Variants in ARMC2 observed in about 807,000 individuals in gnomAD.
ARMC2 encodes the protein armadillo repeat-containing protein 2.
In ARMC2, 67 loss-of-function variants were observed where a neutral mutation model predicts 90.3. The ratio of observed to expected loss-of-function variants is 0.74; its 90% CI spans 0.61 to 0.91. The LOEUF (loss-of-function observed/expected upper bound fraction) is 0.91, where lower values mean the gene tolerates loss of function less well. Among genes scored for constraint, ARMC2 ranks in the 40% least tolerant of loss-of-function variants. The pLI is 0.00. For missense variants in ARMC2, 920 were observed against 1,030.9 expected, an observed-to-expected ratio of 0.89 and a Z score of 1.47; for synonymous variants, 393 against 393.0, an observed-to-expected ratio of 1.00 and a Z score of 0.00.
chr6:108,992,064 T>A, the ARMC2 span, among the ~76,000 whole-genome samples: 106 of 152,284 alleles, frequency 7.0e-4, no homozygotes, highest in Middle Eastern at 6.8e-3. Flanking sequence ...ATAATTATTC[T>A]ATAACTCTTC....
At chr6:109,018,019 T>G in the ARMC2 span, among the ~76,000 whole-genome samples, 26 of 152,252 alleles carry the variant, frequency 1.7e-4, no homozygotes, top group East Asian at 3.9e-4. Context: ...AGAACAATAA[T>G]AAGAAGAAGA....
chr6:108,942,899 C>T (rs907767019), intron 12 of ARMC2, among the ~76,000 whole-genome samples: 1 of 152,012 alleles, frequency 6.6e-6, no homozygotes, highest in Non-Finnish European at 1.5e-5. Context: ...AAACAGAAAT[C>T]TAAAATGAAC....
chr6:108,921,923 G>A (rs946547198), intron 10 of ARMC2, among the ~76,000 whole-genome samples: 1 of 152,194 alleles, frequency 6.6e-6, no homozygotes, highest in African/African-American at 2.4e-5. Context: ...AAATAGAGTA[G>A]GGAGGCAATA....
intron 11 of ARMC2, among the ~76,000 whole-genome samples, chr6:108,930,186 A>C (rs1775418528): frequency 6.6e-6 from 1 of 151,760 alleles, no homozygotes; most frequent in African/African-American, 2.4e-5. Flanking sequence ...TGAACTTATT[A>C]ATCTTGCATT....
intron 3 of ARMC2, among the ~76,000 whole-genome samples, chr6:108,863,363 A>G (rs970137429): frequency 5.9e-5 from 9 of 152,182 alleles, no homozygotes; most frequent in South Asian, 2.1e-4. Flanking sequence ...GACTACAGGC[A>G]TGAACCACCA....
the ARMC2 span, chr6:108,990,620 T>C: frequency 1.9e-6 from 3 of 1,610,796 alleles, no homozygotes; most frequent in Non-Finnish European, 2.5e-6. Context: ...AAACATCTCT[T>C]TATAAACACA....
intron 11 of ARMC2, among the ~76,000 whole-genome samples, chr6:108,929,964 C>G (rs77315149): frequency 0.017 from 2,550 of 151,906 alleles, 80 homozygotes; most frequent in African/African-American, 0.059. Flanking sequence ...CCACCCCCAA[C>G]CCCTGCCAAA....
chr6:108,854,518 A>G (rs2128414888), intron 2 of ARMC2, 33 bp downstream of exon 2: 2 of 1,585,788 alleles, frequency 1.3e-6, no homozygotes, highest in East Asian at 4.5e-5. Context: ...GTTCATTCAG[A>G]TATTTAAGCA....
chr6:108,944,404 C>T (rs116128182), intron 12 of ARMC2, among the ~76,000 whole-genome samples: 55 of 152,242 alleles, frequency 3.6e-4, no homozygotes, highest in African/African-American at 1.3e-3. Context: ...GTCCTGGGAC[C>T]AAATCTAGTT....
At chr6:109,001,455 G>C in the ARMC2 span, 1 of 1,613,584 alleles carries the variant, frequency 6.2e-7, no homozygotes, top group African/African-American at 1.3e-5. Context: ...AATAAAGCAT[G>C]CATCTGTGCG....
chr6:108,998,412 T>TCTTA, the ARMC2 span: 1 of 1,425,012 alleles, frequency 7.0e-7, no homozygotes, highest in Non-Finnish European at 9.6e-7. Flanking sequence ...ATCTCCACAG[T>TCTTA]CTTAACAGGG....
chr6:108,991,703 ACTT>A, the ARMC2 span, among the ~76,000 whole-genome samples: 1 of 152,096 alleles, frequency 6.6e-6, no homozygotes, highest in South Asian at 2.1e-4. Context: ...ATAAGCCCCT[ACTT>A]CTTTGTTGCT....
At chr6:108,992,637 G>A in the ARMC2 span, 1 of 649,090 alleles carries the variant, frequency 1.5e-6, no homozygotes, top group Admixed American at 2.8e-5. Context: ...GGATGAATTA[G>A]AAACAGTCTT....
intron 11 of ARMC2, among the ~76,000 whole-genome samples, chr6:108,935,438 TTTTTTTG>T (rs1418641360): frequency 2.0e-5 from 3 of 152,052 alleles, no homozygotes; most frequent in Non-Finnish European, 4.4e-5. Flanking sequence ...TATTTATAAG[TTTTTTTG>T]TTTTTTGTTT....
chr6:108,878,126 A>G (rs562925104), intron 5 of ARMC2, among the ~76,000 whole-genome samples: 1 of 152,246 alleles, frequency 6.6e-6, no homozygotes, highest in Non-Finnish European at 1.5e-5. Flanking sequence ...CAAAAAACAG[A>G]AACTCTTAGC....
chr6:108,868,180 G>A (rs1473271246), intron 3 of ARMC2, among the ~76,000 whole-genome samples: 1 of 139,680 alleles, frequency 7.2e-6, no homozygotes, highest in Non-Finnish European at 1.5e-5. Flanking sequence ...TTTAAAGCAT[G>A]TTGAATATGC....
chr6:109,051,507 C>T, the ARMC2 span, among the ~76,000 whole-genome samples: 1 of 152,026 alleles, frequency 6.6e-6, no homozygotes, highest in South Asian at 2.1e-4. Context: ...CTCTTATTAC[C>T]TTTTTGCTTA....
At chr6:108,859,644 A>C (rs909588260) in intron 3 of ARMC2, among the ~76,000 whole-genome samples, 2 of 152,132 alleles carry the variant, frequency 1.3e-5, no homozygotes, top group Admixed American at 1.3e-4. Context: ...TTGAATATTT[A>C]ATATCATCAT....
At chr6:109,024,727 T>C in the ARMC2 span, among the ~76,000 whole-genome samples, 15,226 of 152,166 alleles carry the variant, frequency 0.1, 926 homozygotes, top group Middle Eastern at 0.19. Flanking sequence ...GGCAACATGG[T>C]AGAGTATTGG....
Sources: gnomAD v4.1 joint callset for allele counts (sites outside exome capture counted in the v4.1 genomes callset) on GRCh38, gnomAD v4.1.1 for gene constraint, MANE v1.5 for transcripts, NCBI Gene and HGNC (gene_info 2026-07-23, HGNC 2026-07-21) for gene names.